Variants in PRDM15 observed in about 807,000 individuals in gnomAD.
PRDM15 encodes PR/SET domain 15, also known as PR domain zinc finger protein 15.
In PRDM15, 64 loss-of-function variants were observed where a neutral mutation model predicts 128.6. The ratio of observed to expected loss-of-function variants is 0.50; its 90% CI spans 0.41 to 0.61. The LOEUF (loss-of-function observed/expected upper bound fraction) is 0.61. PRDM15 is among the 20% of genes least tolerant of loss of function. The probability of loss-of-function intolerance (pLI) is 0.00; values close to 1 mark genes in which losing one functional copy is unlikely to be tolerated. For synonymous variants in PRDM15, 615 were observed against 621.8 expected, an observed-to-expected ratio of 0.99 and a Z score of 0.16; for missense variants, 1,242 against 1,569.1, an observed-to-expected ratio of 0.79 and a Z score of 3.52.
rs192168592 is a variant in PRDM15, at chr21:41,828,585, C to T, written c.1367-252G>A. 6.6e-6 allele frequency among the ~76,000 whole-genome samples: 1 copy of T among 151,786 alleles called. No homozygotes were observed. Among genetic ancestry groups the T allele is most frequent in the East Asian group, 2.0e-4 (1 of 5,122 alleles). On this transcript the variant is annotated intron_variant, in intron 11 of 23. Coordinates refer to ENST00000398548, the MANE Select transcript of PRDM15 (RefSeq NM_001040424.3). This position sits in a 1 kb window ranked among gnomAD's most constrained non-coding sequence, Gnocchi z 5.7. The stretch of plus-strand genomic sequence containing the variant: ...CCTTTCATCACCAAGCAACGCCAGC[C>T]GCCTCCCTCCCGGGCCACCCTGCCC...
At chr21:41,825,168 C>T (rs2062424614) in intron 13 of PRDM15, among the ~76,000 whole-genome samples, 1 of 152,262 alleles carries the variant, frequency 6.6e-6, no homozygotes, top group Admixed American at 6.5e-5. Context: ...GGACAGATGA[C>T]ATCTTACAGT....
Position 41,825,991 on chromosome 21 carries a change from T to C in PRDM15, c.1598A>G (p.Lys533Arg). The part of the protein sequence containing the change: ...AGGENLVRYK[K>R]EPSGCPVCGK... The stretch of plus-strand genomic sequence containing the variant: ...ACACACCGGGCACCCGGAAGGCTCC[T>C]TCTTGTAACGGACCAGGTTCTCCCC... Residue 533 changes from lysine to arginine, a missense_variant, in exon 13 of 24, where the codon AAG (lysine) becomes AGG (arginine). Coordinates refer to ENST00000398548, the MANE Select transcript of PRDM15 (RefSeq NM_001040424.3). 1.9e-6 allele frequency: 3 copies of C among 1,614,220 alleles called. No homozygotes were observed. Among genetic ancestry groups the C allele is most frequent in the Non-Finnish European group, 2.5e-6 (3 of 1,180,024 alleles).
chr21:41,816,177 C>G (rs2062045547), intron 18 of PRDM15, among the ~76,000 whole-genome samples: 2 of 152,246 alleles, frequency 1.3e-5, no homozygotes, highest in South Asian at 4.1e-4. Context: ...TTAATACAAG[C>G]ATGACTAAAG....
At chr21:41,829,977 TAAAC>T (rs1479327555) in intron 11 of PRDM15, among the ~76,000 whole-genome samples, 4 of 145,838 alleles carry the variant, frequency 2.7e-5, no homozygotes, top group Non-Finnish European at 4.5e-5. Flanking sequence ...ACACACCACA[TAAAC>T]ATACACTCAA....
intron 12 of PRDM15, among the ~76,000 whole-genome samples, chr21:41,827,236 A>C (rs906069945): frequency 1.3e-5 from 2 of 152,230 alleles, no homozygotes; most frequent in East Asian, 1.9e-4. Flanking sequence ...TGAAGAAAAG[A>C]GTTGAGCAAA....
In PRDM15 at chr21:41,821,642, G is replaced by A. The variant is rs527885599; in HGVS notation, c.1896+261C>T. 1.2e-4 allele frequency among the ~76,000 whole-genome samples: 19 copies of A among 152,286 alleles called. No individual in the cohort carries two copies. The highest frequency in any genetic ancestry group is 4.3e-4 in the African/African-American group (18 of 41,566). On this transcript the variant is annotated intron_variant, in intron 15 of 23. Coordinates refer to ENST00000398548, the MANE Select transcript of PRDM15 (RefSeq NM_001040424.3). The surrounding 1 kb of genome is among the most constrained non-coding windows in gnomAD (Gnocchi z 5.4). ...CACACTTCATGTGTGTTCCTGAACC[G>A]TGTCACAAGGCAAGTTCCTGGAGGG...
In PRDM15 at chr21:41,811,076, G is replaced by A. The variant is rs2061848327; in HGVS notation, c.2393-240C>T. On this transcript the variant is annotated intron_variant, in intron 19 of 23. Transcript: ENST00000398548. This position sits in a 1 kb window ranked among gnomAD's most constrained non-coding sequence, Gnocchi z 4.1. ...AAAAACATGAGATGTGGGAAAGGCT[G>A]TCTGAAAACACAGACAGAAAGTGGA... 6.0e-6 allele frequency: 3 copies of A among 499,532 alleles called. No homozygotes were observed. Among genetic ancestry groups the A allele is most frequent in the African/African-American group, 1.9e-5 (1 of 52,114 alleles). The allele number at this position is 499,532 out of a possible 1,614,324, so 30.9% of individuals were successfully genotyped here.
rs2062713420 is a variant in PRDM15 at position 41,832,112 on chromosome 21, T to C, written c.1366+3325A>G. ...GTGCTGGACGTTTTCATGATCACTTTAATGGCTACGTGATATTCCATCCAG... is the reference window on the plus strand; with the variant it reads ...GTGCTGGACGTTTTCATGATCACTTCAATGGCTACGTGATATTCCATCCAG... On this transcript the variant is annotated intron_variant, in intron 11 of 23. Coordinates refer to ENST00000398548, the MANE Select transcript of PRDM15 (RefSeq NM_001040424.3). This position sits in a 1 kb window ranked among gnomAD's most constrained non-coding sequence, Gnocchi z 4.2. Among the ~76,000 whole-genome samples the C allele has an allele frequency of 6.6e-6, 1 of 152,238 alleles. No homozygotes were observed. The highest frequency in any genetic ancestry group is 2.4e-5 in the African/African-American group (1 of 41,450).
At chr21:41,847,269 AG>A (rs2063295977) in intron 5 of PRDM15, 78 bp from the exon 6 acceptor site, 2 of 1,040,494 alleles carry the variant, frequency 1.9e-6, no homozygotes, top group African/African-American at 3.2e-5. Context: ...GCAGCGGAGG[AG>A]GGGTGTGTGC....
Position 41,810,310 on chromosome 21 carries a change from G to A in PRDM15, c.2496C>T (p.Cys832=), listed in dbSNP as rs749197090. The change falls in exon 21 of 24, where the codon TGC becomes TGT. Residue 832 remains cysteine, a synonymous_variant. Transcript: ENST00000398548. The surrounding 1 kb of genome is among the most constrained non-coding windows in gnomAD (Gnocchi z 6.4). ...LIHTVGKQWT[C]SVCDKKYVTE... ...TCACGTACTTCTTGTCGCACACGGA[G>A]CACGTCCACTGCTTGCCCACTTTTC... The A allele has an allele frequency of 1.1e-5, 17 of 1,613,076 alleles. No individual in the cohort carries two copies. Among genetic ancestry groups the A allele is most frequent in the Admixed American group, 1.7e-5 (1 of 59,982 alleles).
Position 41,810,956 on chromosome 21 carries a change from C to T in PRDM15, c.2393-120G>A. ...AGGGCCTTCAGGAGAAGGTGAATTGCAAGAAGACAGCAGACAATGAACGCT... is the reference window on the plus strand; with the variant it reads ...AGGGCCTTCAGGAGAAGGTGAATTGTAAGAAGACAGCAGACAATGAACGCT... On this transcript the variant is annotated intron_variant, in intron 19 of 23. Coordinates refer to ENST00000398548, the MANE Select transcript of PRDM15 (RefSeq NM_001040424.3). The surrounding 1 kb of genome is among the most constrained non-coding windows in gnomAD (Gnocchi z 6.4). 1.2e-6 allele frequency: 1 copy of T among 816,556 alleles called. No homozygotes were observed. 50.6% of individuals were successfully genotyped at this position (816,556 alleles called of 1,614,324 possible). A position where few individuals can be genotyped will look rare whatever the true frequency, so the allele number is the denominator to read the frequency against.
intron 18 of PRDM15, among the ~76,000 whole-genome samples, chr21:41,816,242 T>C (rs2062048033): frequency 6.6e-6 from 1 of 152,170 alleles, no homozygotes; most frequent in Non-Finnish European, 1.5e-5. Context: ...CGCGAGATGG[T>C]TTCAATCTAC....
chr21:41,808,387 C>T (rs74953631), intron 21 of PRDM15, among the ~76,000 whole-genome samples: 89 of 152,302 alleles, frequency 5.8e-4, no homozygotes, highest in East Asian at 2.5e-3. Context: ...CCTGGCTTCC[C>T]GGACTGGAGA....
At chr21:41,831,597 G>C (rs774153112) in intron 11 of PRDM15, among the ~76,000 whole-genome samples, 1 of 152,210 alleles carries the variant, frequency 6.6e-6, no homozygotes, top group East Asian at 1.9e-4. Context: ...TCCCCCGGGA[G>C]AGCCAGGCGC....
At chr21:41,855,699 C>T (rs1398350793) in intron 4 of PRDM15, among the ~76,000 whole-genome samples, 3 of 152,166 alleles carry the variant, frequency 2.0e-5, no homozygotes, top group South Asian at 2.1e-4. Context: ...CCTTCAGAAT[C>T]GCGTAGCTGA....
intron 1 of PRDM15, among the ~76,000 whole-genome samples, chr21:41,865,817 T>A (rs896463598): frequency 1.3e-5 from 2 of 152,162 alleles, no homozygotes; most frequent in African/African-American, 2.4e-5. Flanking sequence ...CCATCACAGC[T>A]CACTATAGCC....
At chr21:41,814,335 G>A (rs111975223) in intron 19 of PRDM15, 1 of 57,926 alleles carries the variant, frequency 1.7e-5, no homozygotes, top group Non-Finnish European at 3.5e-5. Flanking sequence ...ATTGCGCAGG[G>A]TGCTCTAGTG....
chr21:41,819,437 C>G, intron 18 of PRDM15, 145 bp downstream of exon 18: 1 of 1,035,074 alleles, frequency 9.7e-7, no homozygotes, highest in South Asian at 1.6e-5. Context: ...ACCCACCTTT[C>G]CCACACTCGG....
intron 22 of PRDM15, among the ~76,000 whole-genome samples, chr21:41,804,250 C>T (rs1348196769): frequency 6.6e-6 from 1 of 152,200 alleles, no homozygotes; most frequent in African/African-American, 2.4e-5. Context: ...AGGCGTGAGC[C>T]ACCGCGCCCA....
Sources: gnomAD v4.1 joint callset for allele counts (sites outside exome capture counted in the v4.1 genomes callset) on GRCh38, gnomAD v4.1.1 for gene constraint, Gnocchi (gnomAD v3.1) non-coding constraint, MANE v1.5 for transcripts, NCBI Gene and HGNC (gene_info 2026-07-23, HGNC 2026-07-21) for gene names.